The following CACNA2D1 variants were observed in gnomAD, a reference collection of about 807,000 sequenced individuals.
CACNA2D1 encodes voltage-dependent calcium channel subunit alpha-2/delta-1.
In CACNA2D1, 53 loss-of-function variants were observed where a neutral mutation model predicts 171.5. The ratio of observed to expected loss-of-function variants is 0.31; its 90% confidence interval spans 0.25 to 0.39. The LOEUF is 0.39. Among genes scored for constraint, CACNA2D1 ranks in the 10% least tolerant of loss-of-function variants. The probability of loss-of-function intolerance (pLI) is 1.00; values close to 1 mark genes in which losing one functional copy is unlikely to be tolerated. For synonymous variants in CACNA2D1, 442 were observed against 443.1 expected (o/e 1.00, Z 0.03); for missense variants, 903 against 1,299.8 (o/e 0.69, Z 4.69).
intron 3 of CACNA2D1, among the ~76,000 whole-genome samples, chr7:82,247,340 T>C (rs913825614): frequency 1.3e-5 from 2 of 151,768 alleles, no homozygotes; most frequent in African/African-American, 4.8e-5. Flanking sequence ...CAAAACCCTG[T>C]CTCTACAAGA....
chr7:82,442,319 T>C lies in CACNA2D1; in HGVS notation c.95+1046A>G, dbSNP rs1830566746. On this transcript the variant is annotated intron_variant, in intron 1 of 38. Transcript: ENST00000356860. ...CAGCATAAATACCGGGAAAGCTACC[T>C]TGGGCTTTGTTTTTGTTATGTAAAA... 5.9e-5 allele frequency among the ~76,000 whole-genome samples: 9 copies of C among 152,338 alleles called. No homozygotes were observed. In the South Asian group the frequency reaches 1.9e-3, roughly 32 times the overall value.
intron 20 of CACNA2D1, among the ~76,000 whole-genome samples, chr7:81,991,831 A>T (rs551737632): frequency 6.6e-6 from 1 of 151,782 alleles, no homozygotes; most frequent in South Asian, 2.1e-4. Context: ...GCGATGGCAC[A>T]TGTATAATTT....
At chr7:82,364,439 T>C (rs1323812104) in intron 1 of CACNA2D1, among the ~76,000 whole-genome samples, 1 of 152,146 alleles carries the variant, frequency 6.6e-6, no homozygotes, top group African/African-American at 2.4e-5. Flanking sequence ...TTAAGAGAAA[T>C]GGTCAAAAAG....
chr7:82,132,391 T>A (rs1296881072), intron 5 of CACNA2D1, among the ~76,000 whole-genome samples: 2 of 152,196 alleles, frequency 1.3e-5, no homozygotes, highest in African/African-American at 4.8e-5. Context: ...TAGTTGGGTA[T>A]GTACACATGG....
At chr7:82,222,912 G>T (rs12707481) in intron 3 of CACNA2D1, among the ~76,000 whole-genome samples, 27,429 of 103,058 alleles carry the variant, frequency 0.27, 3,213 homozygotes, top group East Asian at 0.47. Flanking sequence ...TTTTTTTTTT[G>T]TTTGTTTGTT....
intron 1 of CACNA2D1, among the ~76,000 whole-genome samples, chr7:82,369,470 T>C (rs1171990907): frequency 3.3e-5 from 5 of 151,948 alleles, no homozygotes; most frequent in African/African-American, 9.7e-5. Context: ...TAAATATTAA[T>C]GGATGATAGT....
At chr7:81,972,265 T>TTA (rs1454001184) in intron 25 of CACNA2D1, among the ~76,000 whole-genome samples, 2 of 151,212 alleles carry the variant, frequency 1.3e-5, no homozygotes, top group Non-Finnish European at 1.5e-5. Flanking sequence ...TATATAAAAT[T>TTA]TATATATATA....
At chr7:82,152,021 A>T (rs929732673) in intron 4 of CACNA2D1, among the ~76,000 whole-genome samples, 64 of 152,166 alleles carry the variant, frequency 4.2e-4, no homozygotes, top group African/African-American at 1.4e-3. Flanking sequence ...CTAGAAACAC[A>T]TAAGAAGAAC....
intron 3 of CACNA2D1, among the ~76,000 whole-genome samples, chr7:82,197,694 G>A (rs1798987173): frequency 6.6e-6 from 1 of 151,982 alleles, no homozygotes; most frequent in South Asian, 2.1e-4. Context: ...CCAGTTTTCA[G>A]AAGAATTAAA....
chr7:81,980,104 T>C (rs970727256), intron 24 of CACNA2D1, among the ~76,000 whole-genome samples: 11 of 140,396 alleles, frequency 7.8e-5, no homozygotes, highest in African/African-American at 2.7e-4. Context: ...TGCATATGTA[T>C]GTATGTGTGT....
chr7:82,053,266 A>ATT, intron 10 of CACNA2D1, among the ~76,000 whole-genome samples: 1 of 151,452 alleles, frequency 6.6e-6, no homozygotes, highest in Non-Finnish European at 1.5e-5. Context: ...AAAAAAAAAA[A>ATT]AAATTAAATA....
intron 1 of CACNA2D1, among the ~76,000 whole-genome samples, chr7:82,403,304 A>C (rs1270576159): frequency 2.0e-5 from 3 of 152,214 alleles, no homozygotes; most frequent in Non-Finnish European, 4.4e-5. Context: ...AATTGTTAGC[A>C]AGTATATCTT....
At chr7:81,999,216 G>T (rs745831349) in intron 18 of CACNA2D1, among the ~76,000 whole-genome samples, 5 of 152,004 alleles carry the variant, frequency 3.3e-5, no homozygotes, top group African/African-American at 1.2e-4. Flanking sequence ...AATCATAAAA[G>T]AAAAATCTCA....
intron 1 of CACNA2D1, among the ~76,000 whole-genome samples, chr7:82,412,743 A>G (rs373368058): frequency 1.3e-5 from 2 of 151,926 alleles, no homozygotes; most frequent in African/African-American, 2.4e-5. Flanking sequence ...TCAGAAAATC[A>G]TCAATTCTTG....
At chr7:82,426,869 G>A (rs564805212) in intron 1 of CACNA2D1, among the ~76,000 whole-genome samples, 42 of 152,128 alleles carry the variant, frequency 2.8e-4, no homozygotes, top group African/African-American at 8.7e-4. Context: ...ACCCGCAGTC[G>A]ACCAAAGTCC....
intron 3 of CACNA2D1, among the ~76,000 whole-genome samples, chr7:82,331,057 T>C (rs1033361619): frequency 6.6e-6 from 1 of 152,146 alleles, no homozygotes; most frequent in Non-Finnish European, 1.5e-5. Context: ...TCTGCATGCA[T>C]ATTAAAGTTT....
intron 3 of CACNA2D1, among the ~76,000 whole-genome samples, chr7:82,225,214 ACT>A (rs970559605): frequency 6.6e-6 from 1 of 152,210 alleles, no homozygotes; most frequent in Non-Finnish European, 1.5e-5. Context: ...AAATTAAATC[ACT>A]CTGGATGCAG....
At chr7:82,040,953 C>G (rs948108366) in intron 10 of CACNA2D1, among the ~76,000 whole-genome samples, 4 of 150,498 alleles carry the variant, frequency 2.7e-5, no homozygotes, top group African/African-American at 9.8e-5. Flanking sequence ...CCAGCCTGGG[C>G]AACAAGAGCG....
chr7:82,107,105 A>G (rs1448656053), intron 6 of CACNA2D1, among the ~76,000 whole-genome samples: 4 of 152,116 alleles, frequency 2.6e-5, no homozygotes, highest in Non-Finnish European at 5.9e-5. Context: ...AACATTAAAA[A>G]CTATCCAACA....
Sources: allele counts gnomAD v4.1 joint callset (sites outside exome capture counted in the v4.1 genomes callset), GRCh38; gene constraint gnomAD v4.1.1; transcripts MANE v1.5; gene names NCBI Gene and HGNC (gene_info 2026-07-23, HGNC 2026-07-21).